Variants in SPICE1 observed in about 807,000 individuals in gnomAD.
The protein encoded by SPICE1 is spindle and centriole-associated protein 1.
A neutral mutation model predicts 102.7 loss-of-function variants in SPICE1; 75 were observed. The observed-to-expected ratio is 0.73, with a 90% CI of 0.61 to 0.88. The LOEUF (loss-of-function observed/expected upper bound fraction) is 0.88, where lower values mean the gene tolerates loss of function less well. Among genes scored for constraint, SPICE1 ranks in the 40% least tolerant of loss-of-function variants. The pLI is 0.00. For missense variants in SPICE1, 979 were observed against 1,020.1 expected (o/e 0.96, Z 0.55); for synonymous variants, 308 against 350.3 (o/e 0.88, Z 1.35).
chr3:113,476,335 C>A (rs1189082289), intron 7 of SPICE1, among the ~76,000 whole-genome samples: 15 of 151,404 alleles, frequency 9.9e-5, no homozygotes, highest in South Asian at 2.1e-4. Flanking sequence ...GGAAGAATCA[C>A]TATCGTGAAA....
chr3:113,481,139 T>C (rs1386180193), intron 7 of SPICE1, among the ~76,000 whole-genome samples: 1 of 152,072 alleles, frequency 6.6e-6, no homozygotes, highest in Admixed American at 6.6e-5. Flanking sequence ...GAGATGACAG[T>C]CAACCTAGGA....
At chr3:113,468,664 T>C in intron 9 of SPICE1, 98 bp downstream of exon 9, 1 of 1,363,308 alleles carries the variant, frequency 7.3e-7, no homozygotes, top group African/African-American at 1.5e-5. Context: ...TGGAACCATG[T>C]GGATGAGATT....
intron 6 of SPICE1, among the ~76,000 whole-genome samples, chr3:113,492,934 T>C (rs1329599251): frequency 1.3e-5 from 2 of 152,154 alleles, no homozygotes; most frequent in African/African-American, 4.8e-5. Context: ...AGTCACCTAA[T>C]TTTTCTCAGC....
chr3:113,503,931 T>TAAAAAAA (rs34217669), intron 2 of SPICE1, among the ~76,000 whole-genome samples: 14 of 95,488 alleles, frequency 1.5e-4, no homozygotes, highest in Non-Finnish European at 1.9e-4. Context: ...AGTTTCTATC[T>TAAAAAAA]AAAAAAAAAA....
At chr3:113,503,489 C>T (rs1309688519) in intron 2 of SPICE1, among the ~76,000 whole-genome samples, 1 of 151,958 alleles carries the variant, frequency 6.6e-6, no homozygotes, top group African/African-American at 2.4e-5. Context: ...TATAGTAAAA[C>T]AATGAAAATA....
rs757433423 is a variant in SPICE1 at position 113,460,639 on chromosome 3, A to G, written c.1413T>C (p.Gly471=). ...EIQASESGAT[G]RRVMDSPERP... is the part of the protein sequence containing the mutation. ...CACCTGGACTGTCCATAACTCTTCT[A>G]CCTGTGGCTCCGCTTTCTGATGCCT... The change falls in exon 12 of 18, where the codon GGT becomes GGC. Residue 471 remains glycine, a synonymous_variant. Coordinates refer to ENST00000295872, the MANE Select transcript of SPICE1 (RefSeq NM_144718.4). 1 of 1,613,230 alleles carries G rather than the reference A, an allele frequency of 6.2e-7. No individual in the cohort carries two copies. Among genetic ancestry groups the G allele is most frequent in the Non-Finnish European group, 8.5e-7 (1 of 1,179,500 alleles).
rs371460929 is a variant in SPICE1 at position 113,514,679 on chromosome 3, C to A, written c.-1+218G>T. 3.6e-5 allele frequency: 33 copies of A among 914,906 alleles called. No homozygotes were observed. In the East Asian group the frequency reaches 3.7e-4, roughly 10 times the overall value. 56.7% of individuals were successfully genotyped at this position (914,906 alleles called of 1,614,324 possible). A position where few individuals can be genotyped will look rare whatever the true frequency, so the allele number is the denominator to read the frequency against. On this transcript the variant is annotated intron_variant, in intron 1 of 17. Coordinates refer to ENST00000295872, the MANE Select transcript of SPICE1 (RefSeq NM_144718.4). ...TCACAGGAGGAGCCTTCTGAGAAGC[C>A]CCTCTGACATCCATCGATTTAAATG...
chr3:113,491,730 C>G (rs1936774686), intron 6 of SPICE1, among the ~76,000 whole-genome samples: 1 of 151,974 alleles, frequency 6.6e-6, no homozygotes, highest in Non-Finnish European at 1.5e-5. Context: ...CTCTCTCCTC[C>G]CTCACTGCCA....
At chr3:113,479,037 C>T (rs886823358) in intron 7 of SPICE1, among the ~76,000 whole-genome samples, 1 of 151,856 alleles carries the variant, frequency 6.6e-6, no homozygotes, top group African/African-American at 2.4e-5. Context: ...AAGTTAGTTA[C>T]ATATGTATAC....
chr3:113,507,491 T>A (rs191809011), intron 1 of SPICE1, among the ~76,000 whole-genome samples: 112 of 151,702 alleles, frequency 7.4e-4, no homozygotes, highest in Middle Eastern at 3.4e-3. Flanking sequence ...TACTTTTTTT[T>A]AAAAAAAAAT....
chr3:113,450,089 A>C, intron 15 of SPICE1: 4 of 517,010 alleles, frequency 7.7e-6, no homozygotes, highest in Non-Finnish European at 1.4e-5. Flanking sequence ...TAGATGTACG[A>C]TAATTTAGGA....
intron 7 of SPICE1, among the ~76,000 whole-genome samples, chr3:113,474,103 A>C (rs1339804044): frequency 1.3e-5 from 2 of 151,726 alleles, no homozygotes; most frequent in East Asian, 1.9e-4. Flanking sequence ...TCTACCAAGC[A>C]AATGGAAAAC....
At position 113,496,042 on chromosome 3, in the gene SPICE1, A is replaced by C. The variant is rs978087014; in HGVS notation, c.292-1900T>G. On this transcript the variant is annotated intron_variant, in intron 4 of 17. Transcript: ENST00000295872. ...TTGTAAACTTTCTTAAAACATTATG[A>C]GATTTTTTTTTTACAACTTTTTTTT... 6.6e-5 allele frequency among the ~76,000 whole-genome samples: 9 copies of C among 137,318 alleles called. No homozygotes were observed. In the South Asian group the frequency reaches 2.3e-3, roughly 35 times the overall value. 90.1% of individuals were successfully genotyped at this position (137,318 alleles called of 152,430 possible).
chr3:113,477,106 C>A (rs1357719478), intron 7 of SPICE1, among the ~76,000 whole-genome samples: 1 of 151,954 alleles, frequency 6.6e-6, no homozygotes, highest in Non-Finnish European at 1.5e-5. Context: ...CAAACAACCC[C>A]ATCAAAAAGT....
chr3:113,470,191 G>A (rs1027069515), intron 7 of SPICE1, among the ~76,000 whole-genome samples: 6 of 152,202 alleles, frequency 3.9e-5, no homozygotes, highest in Admixed American at 6.5e-5. Flanking sequence ...CAAGAACAAA[G>A]AGATAAATGG....
At position 113,446,669 on chromosome 3, in the gene SPICE1, C is replaced by T. The variant is rs145892348; in HGVS notation, c.2434G>A (p.Gly812Arg). Residue 812 changes from glycine to arginine, a missense_variant, in exon 17 of 18, where the codon GGG becomes AGG. Coordinates refer to ENST00000295872, the MANE Select transcript of SPICE1 (RefSeq NM_144718.4). ...VSGINTRRSS[G>R]ATGNSCSPLN... Reference sequence around the variant, plus strand: ...GGAGAACAAGAATTACCAGTAGCCCCGGAAGATCTATTCATGAAAAATAAA... The same window carrying T: ...GGAGAACAAGAATTACCAGTAGCCCTGGAAGATCTATTCATGAAAAATAAA... 1.4e-4 allele frequency: 224 copies of T among 1,612,002 alleles called. No homozygotes were observed. The highest frequency in any genetic ancestry group is 1.2e-4 in the Non-Finnish European group (138 of 1,178,716).
intron 15 of SPICE1, chr3:113,449,309 T>C (rs1349969261): frequency 3.3e-5 from 4 of 120,830 alleles, no homozygotes; most frequent in Non-Finnish European, 7.0e-5. Flanking sequence ...TAGTACATGT[T>C]CGCACATAGT....
chr3:113,513,187 G>A (rs182864788), intron 1 of SPICE1, among the ~76,000 whole-genome samples: 21 of 152,074 alleles, frequency 1.4e-4, no homozygotes, highest in Non-Finnish European at 1.8e-4. Context: ...CTGGAGGATC[G>A]CTTGAGGCAG....
chr3:113,470,038 C>T (rs9814395), intron 7 of SPICE1, among the ~76,000 whole-genome samples: 34,189 of 152,124 alleles, frequency 0.22, 4,415 homozygotes, highest in African/African-American at 0.36. Flanking sequence ...ATTACAAGCA[C>T]ATTGGTTACA....
Sources: allele counts gnomAD v4.1 joint callset (sites outside exome capture counted in the v4.1 genomes callset), GRCh38; gene constraint gnomAD v4.1.1; transcripts MANE v1.5; gene names NCBI Gene and HGNC (gene_info 2026-07-23, HGNC 2026-07-21).